BCAS3: variants seen among roughly 807,000 people sequenced by gnomAD.
The protein encoded by BCAS3 is BCAS4/BCAS3 fusion.
A neutral mutation model predicts 116.1 loss-of-function variants in BCAS3; 53 were observed. The observed-to-expected ratio is 0.46, with a 90% CI of 0.37 to 0.57. The LOEUF is 0.57. Ranked by LOEUF, BCAS3 falls within the 20% of genes least tolerant of loss-of-function variation. BCAS3 has a pLI of 0.00. For synonymous variants in BCAS3, 391 were observed against 408.2 expected, an observed-to-expected ratio of 0.96 and a Z score of 0.51; for missense variants, 917 against 1,165.4, an observed-to-expected ratio of 0.79 and a Z score of 3.10.
At chr17:61,297,354 G>A (rs60437650) in intron 22 of BCAS3, among the ~76,000 whole-genome samples, 278 of 152,204 alleles carry the variant, frequency 1.8e-3, no homozygotes, top group African/African-American at 6.2e-3. Flanking sequence ...AAGAACAGCC[G>A]AGAGAAAGGG....
chr17:61,046,406 G>A (rs938092114), intron 19 of BCAS3, among the ~76,000 whole-genome samples: 1 of 150,994 alleles, frequency 6.6e-6, no homozygotes, highest in African/African-American at 2.4e-5. Flanking sequence ...TCATTCCTTG[G>A]TGTCATGGGA....
intron 22 of BCAS3, among the ~76,000 whole-genome samples, chr17:61,270,783 C>T (rs564701721): frequency 1.8e-4 from 28 of 152,248 alleles, no homozygotes; most frequent in African/African-American, 6.5e-4. Context: ...GCTCTTGTTG[C>T]CCAGGCTGGA....
rs73990940 is a variant in BCAS3, at chr17:60,696,162, A to G, written c.214+6401A>G. On this transcript the variant is annotated intron_variant, in intron 4 of 23. Transcript: ENST00000407086. ...TCTGAGTCACTCTCCCATTATTGGA[A>G]TAGTTGCTGTGGCCAAGGATGTAGT... Among the ~76,000 whole-genome samples the G allele has an allele frequency of 5.5e-3, 839 of 152,304 alleles. 5 individuals are homozygous for G. The highest frequency in any genetic ancestry group is 0.02 in the African/African-American group (812 of 41,566).
At chr17:61,207,271 G>A (rs945714526) in intron 22 of BCAS3, among the ~76,000 whole-genome samples, 4 of 151,970 alleles carry the variant, frequency 2.6e-5, no homozygotes, top group African/African-American at 9.7e-5. Flanking sequence ...TTTTCTTGTC[G>A]ATAAGTATGA....
At chr17:61,274,096 C>CT (rs2050559457) in intron 22 of BCAS3, among the ~76,000 whole-genome samples, 1 of 151,012 alleles carries the variant, frequency 6.6e-6, no homozygotes, top group Non-Finnish European at 1.5e-5. Context: ...TCTCCTAATG[C>CT]TATCCCTCCC....
intron 22 of BCAS3, among the ~76,000 whole-genome samples, chr17:61,238,866 C>G (rs1036899060): frequency 1.3e-5 from 2 of 152,050 alleles, no homozygotes; most frequent in African/African-American, 4.8e-5. Context: ...ACGTGTGTCC[C>G]AGAGGTGGAA....
Position 61,368,275 on chromosome 17 carries a change from C to T in BCAS3, c.2426-52C>T. On this transcript the variant is annotated intron_variant, in intron 22 of 23. Coordinates refer to ENST00000407086, the MANE Select transcript of BCAS3 (RefSeq NM_017679.5). The surrounding 1 kb of genome is among the most constrained non-coding windows in gnomAD (Gnocchi z 6.0). The stretch of plus-strand genomic sequence containing the variant: ...GCGGGTGGGAGGTAGACAAGAATGG[C>T]CTGCTCCCTGAAGGTGTGGACTCAA... The T allele has an allele frequency of 6.5e-7, 1 of 1,533,162 alleles. No individual in the cohort carries two copies. The highest frequency in any genetic ancestry group is 8.8e-7 in the Non-Finnish European group (1 of 1,130,334). The allele number at this position is 1,533,162 out of a possible 1,614,324, so 95.0% of individuals were successfully genotyped here.
intron 5 of BCAS3, among the ~76,000 whole-genome samples, chr17:60,722,699 T>G (rs929718400): frequency 6.7e-6 from 1 of 150,002 alleles, no homozygotes; most frequent in African/African-American, 2.5e-5. Context: ...AGGTGGAGGT[T>G]GCAGTGAGCC....
chr17:61,312,607 T>G (rs2054401539), intron 22 of BCAS3, among the ~76,000 whole-genome samples: 2 of 152,326 alleles, frequency 1.3e-5, no homozygotes, highest in South Asian at 4.1e-4. Context: ...ACTCACCATT[T>G]TGATCTGAGT....
chr17:60,860,511 G>C (rs963951691), intron 7 of BCAS3, among the ~76,000 whole-genome samples: 1 of 152,146 alleles, frequency 6.6e-6, no homozygotes, highest in African/African-American at 2.4e-5. Flanking sequence ...TGTTGCAATT[G>C]TTGGGATTGC....
chr17:60,938,711 A>AAGATAGATGAT (rs2060068071), intron 13 of BCAS3, among the ~76,000 whole-genome samples: 2 of 146,570 alleles, frequency 1.4e-5, no homozygotes, highest in Admixed American at 1.4e-4. Context: ...TTTCTGATAG[A>AAGATAGATGAT]AGATAGATAG....
rs560563061 is a variant in BCAS3, at chr17:60,867,268, G to A, written c.477-1308G>A. 2.6e-5 allele frequency among the ~76,000 whole-genome samples: 4 copies of A among 152,020 alleles called. No homozygotes were observed. In the East Asian group the frequency reaches 7.7e-4, roughly 29 times the overall value. ...TTACAGGTGCTTGACACCATGCCCG[G>A]ATAATTTTTGTATTTTTAATAGAGA... On this transcript the variant is annotated intron_variant, in intron 7 of 23. Transcript: ENST00000407086.
chr17:61,052,916 C>T (rs1169215747), intron 19 of BCAS3, among the ~76,000 whole-genome samples: 1 of 151,698 alleles, frequency 6.6e-6, no homozygotes, highest in Non-Finnish European at 1.5e-5. Context: ...CAGGGTTTCA[C>T]CATGTTGGCT....
At chr17:61,015,925 T>C in intron 16 of BCAS3, 24 bp downstream of exon 16, 1 of 1,601,366 alleles carries the variant, frequency 6.2e-7, no homozygotes. Context: ...CTTGATGCTT[T>C]TTTAACAGCT....
intron 22 of BCAS3, among the ~76,000 whole-genome samples, chr17:61,090,162 C>T (rs2073433872): frequency 6.6e-6 from 1 of 152,156 alleles, no homozygotes; most frequent in Non-Finnish European, 1.5e-5. Context: ...ACTTTTTTTA[C>T]CACCTTTTGT....
At chr17:61,071,443 T>G (rs1158890786) in intron 19 of BCAS3, among the ~76,000 whole-genome samples, 1 of 152,220 alleles carries the variant, frequency 6.6e-6, no homozygotes, top group East Asian at 1.9e-4. Flanking sequence ...CTCTCAAATT[T>G]TAATGTGTAA....
intron 14 of BCAS3, 107 bp from the exon 15 acceptor site, chr17:60,989,864 T>C: frequency 4.9e-6 from 6 of 1,212,854 alleles, no homozygotes; most frequent in Non-Finnish European, 7.0e-6. Flanking sequence ...TTAGGTACAT[T>C]TGGTAATGAG....
intron 4 of BCAS3, among the ~76,000 whole-genome samples, chr17:60,707,001 A>T (rs9898471): frequency 8.6e-5 from 13 of 150,528 alleles, no homozygotes; most frequent in Middle Eastern, 3.4e-3. Flanking sequence ...TATTATTATT[A>T]TTTTTTTGAG....
intron 7 of BCAS3, among the ~76,000 whole-genome samples, chr17:60,808,383 A>G (rs2048480327): frequency 6.6e-6 from 1 of 152,222 alleles, no homozygotes; most frequent in African/African-American, 2.4e-5. Flanking sequence ...TCTGGCTGCA[A>G]GGAAAGCTAG....
Sources: allele counts gnomAD v4.1 joint callset (sites outside exome capture counted in the v4.1 genomes callset), GRCh38; gene constraint gnomAD v4.1.1; non-coding constraint Gnocchi (gnomAD v3.1); transcripts MANE v1.5; gene names NCBI Gene and HGNC (gene_info 2026-07-23, HGNC 2026-07-21).